Variants in LMAN1 observed in about 807,000 individuals in gnomAD.
LMAN1 encodes the protein protein ERGIC-53.
A neutral mutation model predicts 67.8 loss-of-function variants in LMAN1; 32 were observed. The ratio of observed to expected loss-of-function variants is 0.47; its 90% confidence interval spans 0.36 to 0.63. The LOEUF (loss-of-function observed/expected upper bound fraction) is 0.63. Among genes scored for constraint, LMAN1 ranks in the 30% least tolerant of loss-of-function variants. LMAN1 has a pLI of 0.00. For missense variants in LMAN1, 632 were observed against 628.2 expected, an observed-to-expected ratio of 1.01 and a Z score of -0.06; for synonymous variants, 235 against 219.3, an observed-to-expected ratio of 1.07 and a Z score of -0.63.
intron 6 of LMAN1, among the ~76,000 whole-genome samples, chr18:59,348,076 C>T (rs902763945): frequency 1.3e-5 from 2 of 152,200 alleles, no homozygotes; most frequent in Non-Finnish European, 2.9e-5. Flanking sequence ...GTTTCTCTCA[C>T]ATGGAAGATA....
At position 59,329,122 on chromosome 18, in the gene LMAN1, C is replaced by T. The variant is rs537126340; in HGVS notation, c.*1971G>A. On this transcript the variant is annotated 3_prime_UTR_variant, in exon 13 of 13. Transcript: ENST00000251047. Reference sequence around the variant, plus strand: ...AAGTCAATGATTTTGAGAAAAACCACACTTCAAATATGATACACATCATGT... The same window carrying T: ...AAGTCAATGATTTTGAGAAAAACCATACTTCAAATATGATACACATCATGT... 2.0e-5 allele frequency: 3 copies of T among 152,324 alleles called. No homozygotes were observed. The highest frequency in any genetic ancestry group is 1.9e-4 in the East Asian group (1 of 5,192). 9.4% of individuals were successfully genotyped at this position (152,324 alleles called of 1,614,324 possible). A position where few individuals can be genotyped will look rare whatever the true frequency, so the allele number is the denominator to read the frequency against.
intron 10 of LMAN1, among the ~76,000 whole-genome samples, chr18:59,336,092 A>G (rs1289437376): frequency 2.0e-5 from 3 of 152,208 alleles, no homozygotes. Flanking sequence ...GTTTAACACA[A>G]GAGTAGGTTG....
rs2070722291 is a variant in LMAN1, at chr18:59,327,902, A to C, written c.*3191T>G. On this transcript the variant is annotated 3_prime_UTR_variant, in exon 13 of 13. Transcript: ENST00000251047. The stretch of plus-strand genomic sequence containing the variant: ...GCTAGCATCAAATAATCAGGAAAAA[A>C]AAAACTTGACAAAATGTTATCCAAT... 1 of 152,238 alleles carries C rather than the reference A, an allele frequency of 6.6e-6. No individual in the cohort carries two copies. The highest frequency in any genetic ancestry group is 1.5e-5 in the Non-Finnish European group (1 of 68,046). The allele number at this position is 152,238 out of a possible 1,614,324, so 9.4% of individuals were successfully genotyped here.
chr18:59,343,716 A>G (rs1411522488), intron 8 of LMAN1, among the ~76,000 whole-genome samples: 1 of 152,182 alleles, frequency 6.6e-6, no homozygotes, highest in Non-Finnish European at 1.5e-5. Flanking sequence ...AAACTGAGGA[A>G]AGACTCTTCT....
rs367567750 is a variant in LMAN1 at position 59,347,580 on chromosome 18, TAA to T, written c.764-11_764-10del. On this transcript the variant is annotated splice_polypyrimidine_tract_variant and intron_variant, in intron 6 of 12. Transcript: ENST00000251047. Reference sequence around the variant, plus strand: ...AAGGACATCATGGTCATCTACAAATTAAAAAAAAAAAAGTCTGAAAAAGTTCC... The same window carrying T: ...AAGGACATCATGGTCATCTACAAATTAAAAAAAAAAGTCTGAAAAAGTTCC... 4.1e-4 allele frequency: 543 copies of T among 1,327,900 alleles called. No homozygotes were observed. Among genetic ancestry groups the T allele is most frequent in the South Asian group, 4.7e-4 (34 of 72,280 alleles). 82.3% of individuals were successfully genotyped at this position (1,327,900 alleles called of 1,614,324 possible). A position where few individuals can be genotyped will look rare whatever the true frequency, so the allele number is the denominator to read the frequency against.
At chr18:59,354,416 G>C (rs902910901) in intron 4 of LMAN1, 103 bp downstream of exon 4, 25 of 725,990 alleles carry the variant, frequency 3.4e-5, no homozygotes, top group South Asian at 4.7e-5. Context: ...AAAAAGAACA[G>C]TATTTTTTTC....
At chr18:59,331,898 C>T (rs1401322736) in intron 11 of LMAN1, among the ~76,000 whole-genome samples, 1 of 152,124 alleles carries the variant, frequency 6.6e-6, no homozygotes, top group Admixed American at 6.6e-5. Context: ...ATTATTAGCA[C>T]CCCTTCATTC....
intron 6 of LMAN1, among the ~76,000 whole-genome samples, chr18:59,348,872 C>CA (rs1438190246): frequency 6.6e-6 from 1 of 152,192 alleles, no homozygotes; most frequent in African/African-American, 2.4e-5. Context: ...AAAATAGCAC[C>CA]CAAACTGATG....
chr18:59,355,461 T>C (rs1399149158), intron 2 of LMAN1, 41 bp from the exon 3 acceptor site: 4 of 1,613,864 alleles, frequency 2.5e-6, no homozygotes, highest in African/African-American at 1.3e-5. Context: ...GCTAGTGGTA[T>C]ATGCATTTAT....
intron 8 of LMAN1, among the ~76,000 whole-genome samples, chr18:59,340,106 C>G (rs1908253550): frequency 6.6e-6 from 1 of 152,184 alleles, no homozygotes; most frequent in African/African-American, 2.4e-5. Flanking sequence ...CCTGCTCTCC[C>G]TGGTCCCAGG....
In LMAN1 at chr18:59,333,105, C is replaced by T; in HGVS notation, c.1360G>A (p.Val454Met). The change falls in exon 11 of 13, where the codon GTG (valine) becomes ATG (methionine). Residue 454 changes from valine to methionine, a missense_variant. By Grantham distance (21) the Val-to-Met change is conservative (BLOSUM62 1). Transcript: ENST00000251047. ...AACAAAGTTACCATATTTCGCTGCA[C>T]TAAGTTATCTATGTCCCTCTTTACT... ...HIVKRDIDNL[V>M]QRNMPSNEKP... 6.2e-7 allele frequency: 1 copy of T among 1,613,348 alleles called. No individual in the cohort carries two copies.
rs139797136 is a variant in LMAN1, at chr18:59,354,556, T to C, written c.502A>G (p.Ile168Val). Reference protein sequence around the residue: ...GKKNNPAIVIIGNNGQIHYDH... With the variant: ...GKKNNPAIVIVGNNGQIHYDH... ...TAATGGATTTGTCCATTGTTGCCTA[T>C]AATTACTATAGCAGGATTATTTTTC... Residue 168 changes from isoleucine to valine, a missense_variant, in exon 4 of 13, where the codon ATA becomes GTA. Coordinates refer to ENST00000251047, the MANE Select transcript of LMAN1 (RefSeq NM_005570.4). 16 of 1,504,254 alleles carry C rather than the reference T, an allele frequency of 1.1e-5. No homozygotes were observed. In the African/African-American group the frequency reaches 1.9e-4, roughly 18 times the overall value. 93.2% of individuals were successfully genotyped at this position (1,504,254 alleles called of 1,614,324 possible). A position where few individuals can be genotyped will look rare whatever the true frequency, so the allele number is the denominator to read the frequency against.
chr18:59,358,018 C>T (rs150809840), intron 1 of LMAN1, among the ~76,000 whole-genome samples: 16 of 151,334 alleles, frequency 1.1e-4, no homozygotes, highest in Non-Finnish European at 7.4e-5. Flanking sequence ...ATTCAAACTG[C>T]CAGAGCTCCT....
At chr18:59,349,613 A>AT (rs1297678542) in intron 5 of LMAN1, among the ~76,000 whole-genome samples, 1 of 152,160 alleles carries the variant, frequency 6.6e-6, no homozygotes, top group Non-Finnish European at 1.5e-5. Context: ...TAAATTTACA[A>AT]TTTTATCTGC....
chr18:59,333,503 A>C, intron 10 of LMAN1: 1 of 409,196 alleles, frequency 2.4e-6, no homozygotes, highest in Non-Finnish European at 4.4e-6. Context: ...TGTTAAAACC[A>C]ATAGTATAAG....
intron 1 of LMAN1, among the ~76,000 whole-genome samples, chr18:59,356,404 A>C (rs1908661241): frequency 6.6e-6 from 1 of 152,222 alleles, no homozygotes; most frequent in Non-Finnish European, 1.5e-5. Context: ...TAGGTATTTA[A>C]GTGCCTACAC....
chr18:59,353,732 C>G (rs924297669), intron 4 of LMAN1, among the ~76,000 whole-genome samples: 1 of 152,156 alleles, frequency 6.6e-6, no homozygotes, highest in African/African-American at 2.4e-5. Context: ...ATGTACATAC[C>G]TAATTTATAT....
chr18:59,331,563 T>C (rs1568111654), intron 11 of LMAN1, 24 bp from the exon 12 acceptor site: 1 of 1,611,518 alleles, frequency 6.2e-7, no homozygotes, highest in Non-Finnish European at 8.5e-7. Flanking sequence ...GACTTTCTAT[T>C]ACAGTTAGTC....
intron 5 of LMAN1, 37 bp downstream of exon 5, chr18:59,353,165 T>C (rs200547113): frequency 3.2e-5 from 48 of 1,508,174 alleles, no homozygotes; most frequent in African/African-American, 4.1e-5. Flanking sequence ...TACTGTAACA[T>C]TGTTTATTTG....
Sources: gnomAD v4.1 joint callset for allele counts (sites outside exome capture counted in the v4.1 genomes callset) on GRCh38, gnomAD v4.1.1 for gene constraint, MANE v1.5 for transcripts, NCBI Gene and HGNC (gene_info 2026-07-23, HGNC 2026-07-21) for gene names.